The following XIRP2 variants were observed in gnomAD, a reference collection of about 807,000 sequenced individuals.
The protein encoded by XIRP2 is xin actin-binding repeat-containing protein 2.
A neutral mutation model predicts 277.0 loss-of-function variants in XIRP2; 236 were observed. That is an observed-to-expected ratio of 0.85 (90% CI 0.77 to 0.95). The LOEUF is 0.95. XIRP2 is among the 40% of genes least tolerant of loss of function. XIRP2 has a pLI of 0.00. For synonymous variants in XIRP2, 1,490 were observed against 1,416.5 expected, an observed-to-expected ratio of 1.05 and a Z score of -1.17; for missense variants, 4,640 against 4,157.5, an observed-to-expected ratio of 1.12 and a Z score of -3.19.
Position 167,248,553 on chromosome 2 carries a change from G to A in XIRP2, c.7161G>A (p.Lys2387=), listed in dbSNP as rs542527589. ...AHLLSSSAPE[K]HSGDFMQQYS... ...TCCTTTCCTCCTCTGCTCCGGAAAA[G>A]CACAGTGGAGACTTCATGCAACAAT... Residue 2387 remains lysine, a synonymous_variant, in exon 9 of 11, where the codon AAG becomes AAA. Coordinates refer to ENST00000409195, the MANE Select transcript of XIRP2 (RefSeq NM_152381.6). 2.5e-6 allele frequency: 4 copies of A among 1,613,680 alleles called. No individual in the cohort carries two copies. The highest frequency in any genetic ancestry group is 3.4e-6 in the Non-Finnish European group (4 of 1,179,796).
chr2:167,045,950 T>G (rs1688777052), intron 2 of XIRP2, among the ~76,000 whole-genome samples: 1 of 152,074 alleles, frequency 6.6e-6, no homozygotes. Context: ...GTTATTATTT[T>G]GAAGTATGTT....
At chr2:167,176,314 G>A (rs751266905) in intron 3 of XIRP2, among the ~76,000 whole-genome samples, 12 of 151,022 alleles carry the variant, frequency 7.9e-5, no homozygotes, top group South Asian at 4.2e-4. Context: ...CCTTCTGCTC[G>A]CCCTCCGTGG....
chr2:166,909,639 A>G lies in XIRP2; in HGVS notation c.408+5749A>G, dbSNP rs183274923. ...CTCTTGCCTGATTGCCCTAGCCAGA[A>G]CTTCCAACACTATGTTGAATAGGAG... On this transcript the variant is annotated intron_variant, in intron 2 of 10. Transcript: ENST00000409195. Among the ~76,000 whole-genome samples the G allele has an allele frequency of 5.0e-3, 761 of 152,290 alleles. 5 individuals carry two copies. Among genetic ancestry groups the G allele is most frequent in the African/African-American group, 0.018 (736 of 41,554 alleles).
intron 2 of XIRP2, among the ~76,000 whole-genome samples, chr2:167,103,596 T>C (rs1285330299): frequency 6.6e-6 from 1 of 152,206 alleles, no homozygotes; most frequent in African/African-American, 2.4e-5. Flanking sequence ...TGCTCTAGGC[T>C]ACAGGAAAGT....
At chr2:166,922,567 A>T (rs1444564060) in intron 2 of XIRP2, among the ~76,000 whole-genome samples, 1 of 151,934 alleles carries the variant, frequency 6.6e-6, no homozygotes, top group African/African-American at 2.4e-5. Context: ...CTTTTGCATA[A>T]TATTTGACCC....
intron 2 of XIRP2, among the ~76,000 whole-genome samples, chr2:167,118,182 A>G (rs922658210): frequency 6.6e-6 from 1 of 152,140 alleles, no homozygotes; most frequent in Non-Finnish European, 1.5e-5. Context: ...TCAATTAATT[A>G]TAAAAGGGCT....
chr2:166,949,116 T>C (rs982761401), intron 2 of XIRP2, among the ~76,000 whole-genome samples: 4 of 151,942 alleles, frequency 2.6e-5, no homozygotes, highest in Non-Finnish European at 5.9e-5. Context: ...GAGAGTCAAA[T>C]AGGCTCATGA....
intron 2 of XIRP2, among the ~76,000 whole-genome samples, chr2:166,997,291 T>A (rs1687246464): frequency 1.3e-5 from 2 of 152,230 alleles, no homozygotes. Flanking sequence ...TATAGGCATT[T>A]TTATTTCTTG....
At chr2:167,092,344 G>A (rs375474137) in intron 2 of XIRP2, among the ~76,000 whole-genome samples, 1 of 152,014 alleles carries the variant, frequency 6.6e-6, no homozygotes, top group African/African-American at 2.4e-5. Flanking sequence ...ATCTGCAAGT[G>A]GTATTTTCAT....
chr2:167,211,827 T>C (rs1343987755), intron 4 of XIRP2, among the ~76,000 whole-genome samples: 1 of 152,226 alleles, frequency 6.6e-6, no homozygotes, highest in African/African-American at 2.4e-5. Flanking sequence ...CACCAATTTT[T>C]AGAGCCAATG....
At chr2:166,974,702 G>A (rs1251390246) in intron 2 of XIRP2, among the ~76,000 whole-genome samples, 1 of 151,844 alleles carries the variant, frequency 6.6e-6, no homozygotes, top group Non-Finnish European at 1.5e-5. Context: ...ATATAAAAAT[G>A]AATCAGTATA....
chr2:167,000,746 A>G (rs925345995), intron 2 of XIRP2, among the ~76,000 whole-genome samples: 4 of 152,088 alleles, frequency 2.6e-5, no homozygotes, highest in Non-Finnish European at 5.9e-5. Flanking sequence ...CTATATTCCA[A>G]TTGTTTCAAA....
chr2:167,020,721 CTCTT>C (rs1418958185), intron 2 of XIRP2, among the ~76,000 whole-genome samples: 2 of 151,948 alleles, frequency 1.3e-5, no homozygotes, highest in African/African-American at 4.8e-5. Context: ...TTTATTATAT[CTCTT>C]TCTAAATGTC....
intron 2 of XIRP2, among the ~76,000 whole-genome samples, chr2:166,934,196 A>C (rs1167345110): frequency 1.3e-5 from 1 of 77,634 alleles, no homozygotes; most frequent in Non-Finnish European, 2.4e-5. Context: ...AATCAACAGC[A>C]AAAAAAAAAA....
In XIRP2 at chr2:167,136,152, A is replaced by T. The variant is rs990892450; in HGVS notation, c.562+90A>T. On this transcript the variant is annotated intron_variant, in intron 3 of 10. Transcript: ENST00000409195. ...ATAAAATATATGAGGGGTTTGTTTA[A>T]AAATTAGTAAGGAAAATAATGACTG... 4 of 1,307,322 alleles carry T rather than the reference A, an allele frequency of 3.1e-6. No homozygotes were observed. In the Middle Eastern group the frequency reaches 8.8e-4, roughly 289 times the overall value. 81.0% of individuals were successfully genotyped at this position (1,307,322 alleles called of 1,614,324 possible). A position where few individuals can be genotyped will look rare whatever the true frequency, so the allele number is the denominator to read the frequency against.
At chr2:167,010,405 C>A (rs1015726171) in intron 2 of XIRP2, among the ~76,000 whole-genome samples, 1 of 151,836 alleles carries the variant, frequency 6.6e-6, no homozygotes, top group South Asian at 2.1e-4. Flanking sequence ...TTTCTGAGGG[C>A]TCTGTTCTGT....
At chr2:167,022,353 A>G (rs2105486761) in intron 2 of XIRP2, among the ~76,000 whole-genome samples, 1 of 152,258 alleles carries the variant, frequency 6.6e-6, no homozygotes, top group African/African-American at 2.4e-5. Flanking sequence ...TAAAGACACA[A>G]TGATTTTCTA....
At chr2:166,892,864 ATATG>A (rs1397542811) in intron 1 of XIRP2, among the ~76,000 whole-genome samples, 4 of 148,726 alleles carry the variant, frequency 2.7e-5, no homozygotes, top group African/African-American at 9.8e-5. Context: ...TTTTATATAT[ATATG>A]TATGTGTGTA....
chr2:167,173,126 A>C (rs73023988), intron 3 of XIRP2, among the ~76,000 whole-genome samples: 15,032 of 152,232 alleles, frequency 0.099, 799 homozygotes, highest in South Asian at 0.15. Flanking sequence ...CTTTGTGTTA[A>C]AAACAACCCA....
Sources: gnomAD v4.1 joint callset for allele counts (sites outside exome capture counted in the v4.1 genomes callset) on GRCh38, gnomAD v4.1.1 for gene constraint, MANE v1.5 for transcripts, NCBI Gene and HGNC (gene_info 2026-07-23, HGNC 2026-07-21) for gene names.